MCPH1: variants seen among roughly 807,000 people sequenced by gnomAD.
MCPH1 encodes microcephalin 1.
MCPH1 carries 104 observed loss-of-function variants against 84.5 expected under a neutral mutation model. The ratio of observed to expected loss-of-function variants is 1.23; its 90% CI spans 1.05 to 1.45. The LOEUF is 1.45. Ranked by LOEUF, MCPH1 falls within the 40% of genes most tolerant of loss-of-function variation. The pLI, the probability that MCPH1 is intolerant of heterozygous loss-of-function variation, is 0.00. For missense variants in MCPH1, 1,498 were observed against 1,005.7 expected (o/e 1.49, Z -6.62); for synonymous variants, 514 against 366.8 (o/e 1.40, Z -4.58).
intron 13 of MCPH1, among the ~76,000 whole-genome samples, chr8:6,632,342 T>C (rs1179582705): frequency 6.6e-6 from 1 of 152,200 alleles, no homozygotes; most frequent in African/African-American, 2.4e-5. Context: ...GTAAATTTTA[T>C]GTTATGTCTA....
At chr8:6,432,099 A>T (rs773936519) in intron 4 of MCPH1, among the ~76,000 whole-genome samples, 2 of 152,210 alleles carry the variant, frequency 1.3e-5, no homozygotes, top group Non-Finnish European at 2.9e-5. Context: ...ATGCCATAGT[A>T]TTTGCATGTA....
intron 9 of MCPH1, 108 bp downstream of exon 9, chr8:6,455,360 T>A (rs1805563298): frequency 1.4e-5 from 11 of 785,856 alleles, no homozygotes; most frequent in Non-Finnish European, 2.4e-5. Context: ...TCTTTTATTC[T>A]AAAAAATTGA....
intron 12 of MCPH1, among the ~76,000 whole-genome samples, chr8:6,550,904 A>G (rs1054674376): frequency 1.3e-5 from 2 of 152,194 alleles, no homozygotes; most frequent in East Asian, 1.9e-4. Context: ...TCGTTTCACA[A>G]TTACAGCCCA....
intron 12 of MCPH1, among the ~76,000 whole-genome samples, chr8:6,533,114 C>G (rs1029279896): frequency 6.6e-6 from 1 of 152,186 alleles, no homozygotes; most frequent in Non-Finnish European, 1.5e-5. Flanking sequence ...GCATTTTTCA[C>G]AATTTTGTCA....
intron 2 of MCPH1, among the ~76,000 whole-genome samples, chr8:6,412,501 C>T (rs1199408098): frequency 6.6e-6 from 1 of 152,146 alleles, no homozygotes; most frequent in African/African-American, 2.4e-5. Flanking sequence ...TTATCTTAAG[C>T]CAATTTCAGG....
At chr8:6,451,579 C>A (rs1266142945) in intron 8 of MCPH1, among the ~76,000 whole-genome samples, 6 of 151,952 alleles carry the variant, frequency 3.9e-5, no homozygotes, top group African/African-American at 1.4e-4. Flanking sequence ...TTGTTTTTTT[C>A]AGAATGAACA....
At chr8:6,609,310 C>T (rs963998399) in intron 12 of MCPH1, among the ~76,000 whole-genome samples, 2 of 152,190 alleles carry the variant, frequency 1.3e-5, no homozygotes, top group Admixed American at 6.5e-5. Context: ...TGCCCACTAT[C>T]GGGGACAGAA....
At chr8:6,517,096 G>T (rs913358739) in intron 12 of MCPH1, among the ~76,000 whole-genome samples, 2 of 152,182 alleles carry the variant, frequency 1.3e-5, no homozygotes, top group Admixed American at 6.6e-5. Context: ...TTCAAATAGA[G>T]TTATCTACCC....
chr8:6,497,376 G>A lies in MCPH1; in HGVS notation c.2137-2476G>A, dbSNP rs539470547. 2.0e-4 allele frequency among the ~76,000 whole-genome samples: 31 copies of A among 152,146 alleles called. 1 individual carries two copies. The South Asian group carries it at 5.0e-3, about 25-fold the overall frequency. On this transcript the variant is annotated intron_variant, in intron 11 of 13. Transcript: ENST00000344683. ...AAATTAACCAGGCATTGTGATGTGCGCCTGTAGTCTCAGCTACACAGGAGG... is the reference window on the plus strand; with the variant it reads ...AAATTAACCAGGCATTGTGATGTGCACCTGTAGTCTCAGCTACACAGGAGG...
intron 12 of MCPH1, among the ~76,000 whole-genome samples, chr8:6,525,047 G>A (rs1037780916): frequency 3.9e-5 from 6 of 152,316 alleles, no homozygotes; most frequent in Middle Eastern, 3.4e-3. Flanking sequence ...ATGGCCTCTC[G>A]GGCCCCTTTT....
chr8:6,574,305 C>CT (rs1248591976), intron 12 of MCPH1, among the ~76,000 whole-genome samples: 6 of 152,152 alleles, frequency 3.9e-5, no homozygotes, highest in Non-Finnish European at 8.8e-5. Flanking sequence ...CCCATCCTAG[C>CT]TTCTGGTGTT....
chr8:6,640,095 T>TGC (rs1335016206), intron 13 of MCPH1, among the ~76,000 whole-genome samples: 39 of 138,652 alleles, frequency 2.8e-4, no homozygotes, highest in Admixed American at 1.6e-3. Flanking sequence ...TGTGTGTGTG[T>TGC]GTGCGCGCGC....
At chr8:6,463,486 G>A (rs748655421) in intron 9 of MCPH1, among the ~76,000 whole-genome samples, 19 of 152,284 alleles carry the variant, frequency 1.2e-4, no homozygotes, top group Non-Finnish European at 1.0e-4. Flanking sequence ...TCTTTATTGC[G>A]GAGGCAGTAG....
chr8:6,505,230 T>C (rs1268588621), intron 12 of MCPH1, among the ~76,000 whole-genome samples: 1 of 21,494 alleles, frequency 4.7e-5, no homozygotes, highest in Non-Finnish European at 7.9e-5. Context: ...TATTCTTATG[T>C]ATATATAGAA....
Position 6,606,595 on chromosome 8 carries a change from G to C in MCPH1, c.2215-14859G>C, listed in dbSNP as rs1366383728. ...CTGCCCCCTCCCACACAGGGAGCAA[G>C]GCTGTGCTGAATGGAGATATTCTAG... is the stretch of plus-strand genomic sequence containing the variant. On this transcript the variant is annotated intron_variant, in intron 12 of 13. Coordinates refer to ENST00000344683, the MANE Select transcript of MCPH1 (RefSeq NM_024596.5). Among the ~76,000 whole-genome samples, 3 of 152,214 alleles carry C rather than the reference G, an allele frequency of 2.0e-5. No individual in the cohort carries two copies. The East Asian group carries it at 5.8e-4, about 29-fold the overall frequency.
At chr8:6,572,121 G>A (rs1326483315) in intron 12 of MCPH1, among the ~76,000 whole-genome samples, 1 of 151,766 alleles carries the variant, frequency 6.6e-6, no homozygotes, top group Non-Finnish European at 1.5e-5. Flanking sequence ...AAAGTAAATT[G>A]TACAAAGACT....
intron 12 of MCPH1, among the ~76,000 whole-genome samples, chr8:6,570,803 GTTTTTTT>G (rs10548398): frequency 5.5e-5 from 6 of 108,698 alleles, no homozygotes; most frequent in African/African-American, 1.9e-4. Context: ...ATGGATTGTT[GTTTTTTT>G]TTTTTTTTTT....
At chr8:6,425,953 C>G (rs904080696) in intron 3 of MCPH1, among the ~76,000 whole-genome samples, 2 of 152,154 alleles carry the variant, frequency 1.3e-5, no homozygotes, top group African/African-American at 4.8e-5. Context: ...TTTTGCTGTT[C>G]CCTTAGGCAT....
intron 2 of MCPH1, among the ~76,000 whole-genome samples, chr8:6,411,265 C>T (rs538424814): frequency 4.6e-5 from 7 of 152,102 alleles, no homozygotes; most frequent in African/African-American, 1.7e-4. Context: ...GCAACTGTTA[C>T]CGTGGTGACA....
Sources: gnomAD v4.1 joint callset for allele counts (sites outside exome capture counted in the v4.1 genomes callset) on GRCh38, gnomAD v4.1.1 for gene constraint, MANE v1.5 for transcripts, NCBI Gene and HGNC (gene_info 2026-07-23, HGNC 2026-07-21) for gene names.